The following ARID1B variants were observed in gnomAD, a reference collection of about 807,000 sequenced individuals.
ARID1B encodes the protein AT-rich interactive domain-containing protein 1B.
In ARID1B, 30 loss-of-function variants were observed where a neutral mutation model predicts 212.3. The ratio of observed to expected loss-of-function variants is 0.14; its 90% CI spans 0.11 to 0.19. The LOEUF (loss-of-function observed/expected upper bound fraction) is 0.19, where lower values mean the gene tolerates loss of function less well. Among genes scored for constraint, ARID1B ranks in the 10% least tolerant of loss-of-function variants. The pLI is 1.00. For synonymous variants in ARID1B, 1,402 were observed against 1,301.7 expected (o/e 1.08, Z -1.66); for missense variants, 2,891 against 3,204.0 (o/e 0.90, Z 2.36).
At chr6:157,127,961 C>CA (rs1279121300) in intron 6 of ARID1B, among the ~76,000 whole-genome samples, 11,696 of 88,162 alleles carry the variant, frequency 0.13, 1,913 homozygotes, top group African/African-American at 0.39. Flanking sequence ...GACTTCATCT[C>CA]AAAAAAAAAA....
chr6:157,197,722 G>T (rs532175609), intron 16 of ARID1B, among the ~76,000 whole-genome samples: 37 of 151,500 alleles, frequency 2.4e-4, no homozygotes, highest in East Asian at 7.7e-4. Flanking sequence ...ATGTTTTTTT[G>T]GGGGGGGTAG....
intron 3 of ARID1B, among the ~76,000 whole-genome samples, chr6:156,920,801 C>G (rs1252470968): frequency 6.6e-6 from 1 of 151,734 alleles, no homozygotes; most frequent in Admixed American, 6.6e-5. Context: ...AGGGAAGGCC[C>G]TTTGGTATGT....
chr6:156,913,136 C>G (rs1790037370), intron 3 of ARID1B, among the ~76,000 whole-genome samples: 3 of 150,490 alleles, frequency 2.0e-5, no homozygotes, highest in African/African-American at 7.3e-5. Context: ...GTACATCTAG[C>G]TAATTAACAT....
At chr6:157,106,440 A>G (rs1786491170) in intron 5 of ARID1B, among the ~76,000 whole-genome samples, 1 of 152,112 alleles carries the variant, frequency 6.6e-6, no homozygotes, top group Admixed American at 6.5e-5. Context: ...TTCATCTCCT[A>G]GCAGTTGCTG....
chr6:157,008,794 A>AG (rs1779394372), intron 4 of ARID1B, among the ~76,000 whole-genome samples: 2 of 152,020 alleles, frequency 1.3e-5, no homozygotes, highest in Non-Finnish European at 2.9e-5. Flanking sequence ...TGGGTCCTTC[A>AG]CTGGTCATCC....
intron 10 of ARID1B, 27 bp from the exon 11 acceptor site, chr6:157,174,817 ATTT>A: frequency 1.5e-4 from 190 of 1,279,618 alleles, no homozygotes; most frequent in South Asian, 7.8e-4. Flanking sequence ...TACCTTTGTC[ATTT>A]TTTTTTTTTT....
chr6:157,018,212 CTTT>C (rs1208883079), intron 4 of ARID1B, among the ~76,000 whole-genome samples: 6 of 72,426 alleles, frequency 8.3e-5, no homozygotes, highest in African/African-American at 2.6e-4. Context: ...AAGTAGTATG[CTTT>C]TTTTTTTTTT....
chr6:156,952,868 C>T (rs910019360), intron 4 of ARID1B, among the ~76,000 whole-genome samples: 3 of 152,312 alleles, frequency 2.0e-5, no homozygotes, highest in African/African-American at 4.8e-5. Context: ...TCATTTATGA[C>T]TTTCTTCGAG....
At chr6:156,815,503 CT>C (rs1262816862) in intron 1 of ARID1B, among the ~76,000 whole-genome samples, 1 of 152,132 alleles carries the variant, frequency 6.6e-6, no homozygotes, top group East Asian at 1.9e-4. Flanking sequence ...AATAACAGTG[CT>C]TTTCATACTG....
intron 2 of ARID1B, among the ~76,000 whole-genome samples, chr6:156,833,825 A>G (rs1258355352): frequency 6.6e-6 from 1 of 152,170 alleles, no homozygotes; most frequent in East Asian, 1.9e-4. Context: ...ATTTTGCTGC[A>G]TGTTTTTTGA....
chr6:156,901,621 C>G (rs1013154343), intron 3 of ARID1B, 96 bp downstream of exon 3: 1 of 1,422,982 alleles, frequency 7.0e-7, no homozygotes, highest in East Asian at 2.5e-5. Context: ...AAATTATGTT[C>G]TGGTGGAAAA....
intron 13 of ARID1B, chr6:157,186,626 C>A: frequency 2.3e-6 from 1 of 441,638 alleles, no homozygotes; most frequent in South Asian, 1.6e-5. Context: ...AACTATTGGC[C>A]ATGTTAGAGT....
At chr6:156,873,003 C>T (rs1378357259) in intron 2 of ARID1B, among the ~76,000 whole-genome samples, 1 of 152,164 alleles carries the variant, frequency 6.6e-6, no homozygotes, top group Non-Finnish European at 1.5e-5. Context: ...CATCTTGTGC[C>T]AGCCATTCTT....
chr6:157,050,513 C>T (rs1189410723), intron 4 of ARID1B, among the ~76,000 whole-genome samples: 11 of 152,132 alleles, frequency 7.2e-5, no homozygotes, highest in Admixed American at 7.2e-4. Flanking sequence ...CACTGCACTC[C>T]AGCCTGGGCG....
At chr6:156,804,077 T>C (rs1165402744) in intron 1 of ARID1B, among the ~76,000 whole-genome samples, 1 of 152,084 alleles carries the variant, frequency 6.6e-6, no homozygotes, top group African/African-American at 2.4e-5. Flanking sequence ...GGCTCACTCC[T>C]GTAATCCCAG....
intron 2 of ARID1B, among the ~76,000 whole-genome samples, chr6:156,862,629 C>T (rs903425348): frequency 8.5e-5 from 13 of 152,134 alleles, no homozygotes; most frequent in African/African-American, 3.1e-4. Context: ...AGAGAGCCTT[C>T]CTGCAGTGAT....
intron 4 of ARID1B, among the ~76,000 whole-genome samples, chr6:157,016,950 T>C (rs1779952179): frequency 6.6e-6 from 1 of 152,216 alleles, no homozygotes; most frequent in Non-Finnish European, 1.5e-5. Flanking sequence ...GAAGACTTAC[T>C]GTATCTCATT....
intron 1 of ARID1B, among the ~76,000 whole-genome samples, chr6:156,791,286 T>C (rs1306528020): frequency 1.3e-5 from 2 of 152,246 alleles, no homozygotes; most frequent in Non-Finnish European, 2.9e-5. Flanking sequence ...AAATCTGGAT[T>C]TGATTTGCAT....
At chr6:157,153,470 A>G (rs181691144) in intron 8 of ARID1B, among the ~76,000 whole-genome samples, 66 of 143,864 alleles carry the variant, frequency 4.6e-4, no homozygotes, top group Admixed American at 7.8e-4. Flanking sequence ...TATAAGAAAC[A>G]GAGAGTTGGA....
Sources: gnomAD v4.1 joint callset for allele counts (sites outside exome capture counted in the v4.1 genomes callset) on GRCh38, gnomAD v4.1.1 for gene constraint, MANE v1.5 for transcripts, NCBI Gene and HGNC (gene_info 2026-07-23, HGNC 2026-07-21) for gene names.